Variants in KCNMB2 observed in about 807,000 individuals in gnomAD.
KCNMB2 encodes potassium calcium-activated channel subfamily M regulatory beta subunit 2.
KCNMB2 carries 9 observed loss-of-function variants against 24.5 expected under a neutral mutation model. That is an observed-to-expected ratio of 0.37 (90% CI 0.22 to 0.64). KCNMB2 has a LOEUF of 0.64. KCNMB2 is among the 30% of genes least tolerant of loss of function. The pLI is 0.63. For missense variants in KCNMB2, 226 were observed against 284.3 expected, an observed-to-expected ratio of 0.79 and a Z score of 1.47; for synonymous variants, 109 against 104.4, an observed-to-expected ratio of 1.04 and a Z score of -0.27.
At chr3:178,808,015 T>A (rs1414661572) in intron 2 of KCNMB2, among the ~76,000 whole-genome samples, 2 of 151,994 alleles carry the variant, frequency 1.3e-5, no homozygotes, top group Non-Finnish European at 2.9e-5. Context: ...ACTGGACATA[T>A]GGCAGGGAAG....
intron 1 of KCNMB2, among the ~76,000 whole-genome samples, chr3:178,771,028 T>G (rs1270191950): frequency 6.6e-6 from 1 of 152,232 alleles, no homozygotes; most frequent in Non-Finnish European, 1.5e-5. Context: ...CAGTTATGTT[T>G]TAGTTTTGAA....
intron 1 of KCNMB2, among the ~76,000 whole-genome samples, chr3:178,739,203 C>A (rs1723415633): frequency 6.6e-6 from 1 of 151,968 alleles, no homozygotes; most frequent in Admixed American, 6.6e-5. Context: ...GGCTGTGTGA[C>A]TTTAGGCTCT....
intron 1 of KCNMB2, among the ~76,000 whole-genome samples, chr3:178,627,061 G>A (rs1252112834): frequency 6.6e-6 from 1 of 151,822 alleles, no homozygotes; most frequent in African/African-American, 2.4e-5. Context: ...ATTATTAAGT[G>A]CAATTAATGT....
chr3:178,784,750 A>G (rs1713027525), intron 1 of KCNMB2, among the ~76,000 whole-genome samples: 1 of 151,914 alleles, frequency 6.6e-6, no homozygotes, highest in Non-Finnish European at 1.5e-5. Context: ...TAATCCTTCA[A>G]TGAGTGAGAG....
At chr3:178,730,405 A>AC (rs71181246) in intron 1 of KCNMB2, among the ~76,000 whole-genome samples, 30,253 of 111,504 alleles carry the variant, frequency 0.27, 4,001 homozygotes, top group Middle Eastern at 0.34. Flanking sequence ...GTCCCCCAAC[A>AC]CCCCCCCACA....
chr3:178,648,355 T>G (rs1470469691), intron 1 of KCNMB2, among the ~76,000 whole-genome samples: 3 of 152,120 alleles, frequency 2.0e-5, no homozygotes, highest in Admixed American at 2.0e-4. Flanking sequence ...CTGGGCAACA[T>G]AGCAAGACCC....
At chr3:178,626,921 A>G (rs950361786) in intron 1 of KCNMB2, among the ~76,000 whole-genome samples, 1 of 149,148 alleles carries the variant, frequency 6.7e-6, no homozygotes, top group African/African-American at 2.4e-5. Flanking sequence ...AAGTATATAT[A>G]TAACTTAACT....
chr3:178,735,661 T>A (rs932413864), intron 1 of KCNMB2, among the ~76,000 whole-genome samples: 1 of 152,248 alleles, frequency 6.6e-6, no homozygotes, highest in Admixed American at 6.5e-5. Flanking sequence ...GAGCATTGTA[T>A]ACATTTTAAG....
chr3:178,746,703 T>C (rs1467561078), intron 1 of KCNMB2, among the ~76,000 whole-genome samples: 1 of 152,188 alleles, frequency 6.6e-6, no homozygotes, highest in East Asian at 1.9e-4. Flanking sequence ...AGAAACTTCT[T>C]CCACCAGATA....
chr3:178,739,567 G>T (rs1440693295), intron 1 of KCNMB2, among the ~76,000 whole-genome samples: 3 of 152,110 alleles, frequency 2.0e-5, no homozygotes, highest in Non-Finnish European at 4.4e-5. Flanking sequence ...AACTTAACAG[G>T]ATATTGTCCT....
rs563573666 is a variant in KCNMB2 at position 178,619,579 on chromosome 3, C to T, written c.-68+82868C>T. Among the ~76,000 whole-genome samples the T allele has an allele frequency of 1.6e-3, 250 of 151,884 alleles. 2 individuals carry two copies. Among genetic ancestry groups the T allele is most frequent in the African/African-American group, 5.8e-3 (242 of 41,432 alleles). The stretch of plus-strand genomic sequence containing the variant: ...AAAGATTTATTAGAGTATAAAAAAC[C>T]GAGGCCCAAAGATATTTCTGCTTGC... On this transcript the variant is annotated intron_variant, in intron 1 of 4. Coordinates refer to ENST00000452583, the MANE Select transcript of KCNMB2 (RefSeq NM_181361.3).
chr3:178,601,163 T>C (rs1467433324), intron 1 of KCNMB2, among the ~76,000 whole-genome samples: 1 of 112,846 alleles, frequency 8.9e-6, no homozygotes, highest in Admixed American at 1.3e-4. Context: ...ATGGGCACAG[T>C]GAGGGAAACA....
chr3:178,716,441 ATTTTT>A (rs35949431), intron 1 of KCNMB2, among the ~76,000 whole-genome samples: 3,639 of 128,682 alleles, frequency 0.028, 156 homozygotes, highest in African/African-American at 0.097. Flanking sequence ...TAAAACCTGC[ATTTTT>A]TTTTTTTTTT....
intron 1 of KCNMB2, among the ~76,000 whole-genome samples, chr3:178,648,668 T>G (rs1720004343): frequency 6.6e-6 from 1 of 152,250 alleles, no homozygotes; most frequent in Admixed American, 6.5e-5. Flanking sequence ...ATGCATAGAT[T>G]GCATTTTACT....
rs542735128 is a variant in KCNMB2, at chr3:178,758,630, ATC to A, written c.-67-48704_-67-48703del. 2.3e-4 allele frequency among the ~76,000 whole-genome samples: 3 copies of A among 13,104 alleles called. 1 individual carries two copies. In the African/African-American group the frequency reaches 2.6e-3, roughly 11 times the overall value. The allele number at this position is 13,104 out of a possible 152,430, so 8.6% of individuals were successfully genotyped here. ...TCTCCAAGAGGATATATATATATAT[ATC>A]TCTCTCTCCAAGAGGATATATATAT... On this transcript the variant is annotated intron_variant, in intron 1 of 4. Coordinates refer to ENST00000452583, the MANE Select transcript of KCNMB2 (RefSeq NM_181361.3).
chr3:178,686,578 G>A (rs531156250), intron 1 of KCNMB2, among the ~76,000 whole-genome samples: 117 of 152,228 alleles, frequency 7.7e-4, no homozygotes, highest in African/African-American at 2.6e-3. Flanking sequence ...GAGGAGGGAA[G>A]GTGAGAGTGA....
At chr3:178,660,299 T>G (rs1269769142) in intron 1 of KCNMB2, among the ~76,000 whole-genome samples, 1 of 152,196 alleles carries the variant, frequency 6.6e-6, no homozygotes, top group Non-Finnish European at 1.5e-5. Context: ...GGCATTCAAC[T>G]GAAAATAGTC....
rs1340590018 is a variant in KCNMB2 at position 178,559,416 on chromosome 3, T to C, written c.-68+22705T>C. ...TTTCAAATTCTCAAGTATTTTACTATGAGAATTTTCTTGTATTTGAACAAT... is the reference window on the plus strand; with the variant it reads ...TTTCAAATTCTCAAGTATTTTACTACGAGAATTTTCTTGTATTTGAACAAT... On this transcript the variant is annotated intron_variant, in intron 1 of 4. Coordinates refer to ENST00000452583, the MANE Select transcript of KCNMB2 (RefSeq NM_181361.3). 3.3e-5 allele frequency among the ~76,000 whole-genome samples: 5 copies of C among 152,150 alleles called. 1 individual carries two copies. Among genetic ancestry groups the C allele is most frequent in the Middle Eastern group, 3.4e-3 (1 of 294 alleles).
chr3:178,718,767 T>A (rs768532022), intron 1 of KCNMB2, among the ~76,000 whole-genome samples: 4 of 152,218 alleles, frequency 2.6e-5, no homozygotes, highest in Non-Finnish European at 5.9e-5. Flanking sequence ...CACTTTAGCA[T>A]ACTTTAGTCT....
Sources: gnomAD v4.1 joint callset for allele counts (sites outside exome capture counted in the v4.1 genomes callset) on GRCh38, gnomAD v4.1.1 for gene constraint, MANE v1.5 for transcripts, NCBI Gene and HGNC (gene_info 2026-07-23, HGNC 2026-07-21) for gene names.